Variants in FHIT observed in about 807,000 individuals in gnomAD.
FHIT encodes the protein bis(5'-adenosyl)-triphosphatase.
Under a neutral mutation model 17.9 loss-of-function variants are expected in FHIT, and 19 were observed. The ratio of observed to expected loss-of-function variants is 1.06; its 90% confidence interval spans 0.74 to 1.56. The LOEUF (loss-of-function observed/expected upper bound fraction) is 1.56, where lower values mean the gene tolerates loss of function less well. Among genes scored for constraint, FHIT ranks in the 40% most tolerant of loss-of-function variants. The pLI is 0.00. For missense variants in FHIT, 248 were observed against 189.2 expected (o/e 1.31, Z -1.82); for synonymous variants, 81 against 69.7 (o/e 1.16, Z -0.81).
chr3:60,788,674 G>A (rs183264186), intron 4 of FHIT, among the ~76,000 whole-genome samples: 6 of 152,094 alleles, frequency 3.9e-5, no homozygotes, highest in Non-Finnish European at 8.8e-5. Flanking sequence ...GACATTCACA[G>A]TATAGCCTAA....
chr3:60,937,868 T>C (rs1436670632), intron 3 of FHIT, among the ~76,000 whole-genome samples: 1 of 152,104 alleles, frequency 6.6e-6, no homozygotes, highest in Non-Finnish European at 1.5e-5. Flanking sequence ...GGCCCTCTGC[T>C]ACTTTTCTTC....
At chr3:60,570,441 G>A (rs2037335414) in intron 4 of FHIT, among the ~76,000 whole-genome samples, 2 of 152,084 alleles carry the variant, frequency 1.3e-5, no homozygotes, top group South Asian at 4.1e-4. Context: ...AGAGTGTTGA[G>A]GTAGGAAAGG....
At chr3:60,102,524 G>T (rs963617540) in intron 5 of FHIT, among the ~76,000 whole-genome samples, 7 of 151,970 alleles carry the variant, frequency 4.6e-5, no homozygotes, top group African/African-American at 1.5e-4. Context: ...ACATTCCTCA[G>T]CATGTCCAGT....
chr3:61,111,146 C>T (rs888822258), intron 2 of FHIT, among the ~76,000 whole-genome samples: 1 of 152,146 alleles, frequency 6.6e-6, no homozygotes, highest in Non-Finnish European at 1.5e-5. Flanking sequence ...CTGATAGCTA[C>T]CCCTAAAGCA....
intron 5 of FHIT, among the ~76,000 whole-genome samples, chr3:60,326,069 C>T (rs1055540537): frequency 1.3e-5 from 2 of 152,022 alleles, no homozygotes; most frequent in African/African-American, 4.8e-5. Flanking sequence ...ACATCCTAAA[C>T]CAGCAGTCAG....
chr3:60,010,530 G>A (rs1179879068), intron 7 of FHIT, among the ~76,000 whole-genome samples: 3 of 152,190 alleles, frequency 2.0e-5, no homozygotes, highest in Non-Finnish European at 4.4e-5. Flanking sequence ...TCCACTCACA[G>A]CTAGTCTTCG....
chr3:60,363,738 C>G (rs1482307065), intron 5 of FHIT, among the ~76,000 whole-genome samples: 1 of 152,140 alleles, frequency 6.6e-6, no homozygotes, highest in Non-Finnish European at 1.5e-5. Flanking sequence ...TCCGTGAACT[C>G]CAACAAGCTT....
At chr3:60,795,124 C>A in intron 4 of FHIT, among the ~76,000 whole-genome samples, 1 of 152,250 alleles carries the variant, frequency 6.6e-6, no homozygotes, top group Middle Eastern at 3.4e-3. Context: ...TTTTTCACTT[C>A]ATGTGTTTTG....
chr3:60,256,249 T>C (rs1228256436), intron 5 of FHIT, among the ~76,000 whole-genome samples: 1 of 152,208 alleles, frequency 6.6e-6, no homozygotes, highest in African/African-American at 2.4e-5. Context: ...TGCCTCTTCC[T>C]GGCCTCCATA....
At chr3:60,583,608 T>C (rs1189611468) in intron 4 of FHIT, among the ~76,000 whole-genome samples, 2 of 152,086 alleles carry the variant, frequency 1.3e-5, no homozygotes, top group African/African-American at 4.8e-5. Flanking sequence ...CTTCTTTCTA[T>C]TCTTTTTCAA....
intron 2 of FHIT, among the ~76,000 whole-genome samples, chr3:61,148,242 T>C (rs191459092): frequency 9.9e-5 from 15 of 152,122 alleles, no homozygotes; most frequent in Middle Eastern, 3.4e-3. Flanking sequence ...AACTTATATA[T>C]AGTAAAATAC....
intron 5 of FHIT, among the ~76,000 whole-genome samples, chr3:60,486,253 A>G (rs9818182): frequency 0.18 from 27,000 of 152,120 alleles, 2,902 homozygotes; most frequent in East Asian, 0.48. Flanking sequence ...ATTTCCAATA[A>G]AAAATTTTAT....
chr3:60,301,690 G>A (rs1282774389), intron 5 of FHIT, among the ~76,000 whole-genome samples: 2 of 152,066 alleles, frequency 1.3e-5, no homozygotes, highest in South Asian at 4.1e-4. Flanking sequence ...ACTCTTTAAC[G>A]GGTTTTAGCA....
chr3:60,236,819 A>C (rs1704823652), intron 5 of FHIT, among the ~76,000 whole-genome samples: 1 of 152,164 alleles, frequency 6.6e-6, no homozygotes, highest in South Asian at 2.1e-4. Flanking sequence ...TTTCCTCCCC[A>C]AAAGCAATCT....
chr3:60,459,219 T>G (rs2032308190), intron 5 of FHIT, among the ~76,000 whole-genome samples: 2 of 152,194 alleles, frequency 1.3e-5, no homozygotes, highest in African/African-American at 4.8e-5. Context: ...GCTAGTGAAT[T>G]AGTATATTTT....
intron 5 of FHIT, among the ~76,000 whole-genome samples, chr3:60,088,221 C>A (rs866253673): frequency 6.6e-6 from 1 of 152,100 alleles, no homozygotes; most frequent in Non-Finnish European, 1.5e-5. Context: ...CTATTCATGA[C>A]GGATCTGCCT....
At chr3:61,134,431 A>G (rs2036855444) in intron 2 of FHIT, among the ~76,000 whole-genome samples, 1 of 152,190 alleles carries the variant, frequency 6.6e-6, no homozygotes, top group South Asian at 2.1e-4. Context: ...ATAGCAGTAA[A>G]CAGGATATAA....
intron 7 of FHIT, among the ~76,000 whole-genome samples, chr3:59,983,264 G>A (rs535097185): frequency 6.6e-6 from 1 of 152,220 alleles, no homozygotes; most frequent in Admixed American, 6.5e-5. Flanking sequence ...GGAACAAAAA[G>A]AAGGGGTATA....
chr3:60,097,715 AATTTT>A (rs1704016184), intron 5 of FHIT, among the ~76,000 whole-genome samples: 1 of 149,990 alleles, frequency 6.7e-6, no homozygotes, highest in Admixed American at 6.6e-5. Flanking sequence ...TTTTTTTTAA[AATTTT>A]ATTATTATTA....
Sources: gnomAD v4.1 joint callset for allele counts (sites outside exome capture counted in the v4.1 genomes callset) on GRCh38, gnomAD v4.1.1 for gene constraint, MANE v1.5 for transcripts, NCBI Gene and HGNC (gene_info 2026-07-23, HGNC 2026-07-21) for gene names.